HNF4G: variants seen among roughly 807,000 people sequenced by gnomAD.
The protein encoded by HNF4G is hepatocyte nuclear factor 4-gamma.
HNF4G carries 21 observed loss-of-function variants against 50.9 expected under a neutral mutation model. The ratio of observed to expected loss-of-function variants is 0.41; its 90% CI spans 0.29 to 0.59. HNF4G has a LOEUF of 0.59. Ranked by LOEUF, HNF4G falls within the 20% of genes least tolerant of loss-of-function variation. HNF4G has a pLI of 0.26. For synonymous variants in HNF4G, 198 were observed against 185.6 expected (o/e 1.07, Z -0.54); for missense variants, 527 against 559.4 (o/e 0.94, Z 0.58).
intron 1 of HNF4G, among the ~76,000 whole-genome samples, chr8:75,482,450 T>C (rs973468561): frequency 1.3e-5 from 2 of 150,070 alleles, no homozygotes; most frequent in African/African-American, 4.9e-5. Context: ...CACTGCAACC[T>C]CCGCCTCCCA....
chr8:75,519,589 A>T (rs1042312451), intron 2 of HNF4G, among the ~76,000 whole-genome samples: 21 of 152,302 alleles, frequency 1.4e-4, no homozygotes, highest in African/African-American at 5.0e-4. Context: ...GAGCAAAGTC[A>T]TGTCTTACTT....
chr8:75,454,196 A>G (rs1811662528), intron 1 of HNF4G, among the ~76,000 whole-genome samples: 1 of 151,880 alleles, frequency 6.6e-6, no homozygotes, highest in Non-Finnish European at 1.5e-5. Flanking sequence ...GCAAGCCAGG[A>G]AGAAGGCCCT....
intron 2 of HNF4G, among the ~76,000 whole-genome samples, chr8:75,525,457 C>A (rs7830737): frequency 0.24 from 37,104 of 152,108 alleles, 4,811 homozygotes; most frequent in South Asian, 0.31. Flanking sequence ...CGTGAGCCAC[C>A]GCAACCGGCC....
intron 1 of HNF4G, among the ~76,000 whole-genome samples, chr8:75,468,045 T>C (rs1375764619): frequency 6.6e-6 from 1 of 152,212 alleles, no homozygotes; most frequent in Non-Finnish European, 1.5e-5. Context: ...ATGTATGTAA[T>C]GTTCCATACA....
intron 1 of HNF4G, among the ~76,000 whole-genome samples, chr8:75,449,391 C>A (rs992188866): frequency 4.0e-5 from 6 of 148,324 alleles, no homozygotes; most frequent in Non-Finnish European, 5.9e-5. Flanking sequence ...GTTTAATTAA[C>A]TAAAAAAACA....
chr8:75,481,667 G>C (rs1183987644), intron 1 of HNF4G, among the ~76,000 whole-genome samples: 1 of 152,144 alleles, frequency 6.6e-6, no homozygotes, highest in Non-Finnish European at 1.5e-5. Context: ...TTCATCAAGA[G>C]GGGGTGTCAC....
At chr8:75,485,002 C>T (rs944274275) in intron 1 of HNF4G, among the ~76,000 whole-genome samples, 1 of 152,104 alleles carries the variant, frequency 6.6e-6, no homozygotes, top group Admixed American at 6.6e-5. Context: ...AGCTCTTAGC[C>T]GCCAATTGTA....
At chr8:75,408,255 AG>A (rs1810411416) in intron 1 of HNF4G, 4 of 152,194 alleles carry the variant, frequency 2.6e-5, no homozygotes, top group African/African-American at 7.3e-5. Flanking sequence ...AGAGAGAGAG[AG>A]AGAGAGGAGA....
At chr8:75,421,307 G>T (rs1161020545) in intron 1 of HNF4G, among the ~76,000 whole-genome samples, 1 of 152,148 alleles carries the variant, frequency 6.6e-6, no homozygotes, top group East Asian at 1.9e-4. Flanking sequence ...TACCTAGTTG[G>T]TCAGTCCAGG....
At chr8:75,545,983 G>A (rs533727560) in intron 2 of HNF4G, among the ~76,000 whole-genome samples, 1 of 152,162 alleles carries the variant, frequency 6.6e-6, no homozygotes, top group Admixed American at 6.5e-5. Flanking sequence ...CACTCTGAAA[G>A]CACATTTCTC....
chr8:75,469,567 G>A (rs1385092404), intron 1 of HNF4G, among the ~76,000 whole-genome samples: 3 of 152,142 alleles, frequency 2.0e-5, no homozygotes, highest in African/African-American at 7.2e-5. Flanking sequence ...CTGTAGAAGT[G>A]GCAGAAGACA....
At chr8:75,423,473 C>T (rs1043019507) in intron 1 of HNF4G, among the ~76,000 whole-genome samples, 1 of 151,126 alleles carries the variant, frequency 6.6e-6, no homozygotes, top group African/African-American at 2.4e-5. Flanking sequence ...CCTCATAACT[C>T]CGCCTCCCAG....
At chr8:75,537,746 T>A (rs547904290), upstream of HNF4G, among the ~76,000 whole-genome samples, 1 of 152,164 alleles carries the variant, frequency 6.6e-6, no homozygotes, top group East Asian at 1.9e-4. Flanking sequence ...TCAAAGGCAA[T>A]GTATGAGACT....
chr8:75,509,982 G>T (rs549605358), intron 2 of HNF4G, among the ~76,000 whole-genome samples: 11 of 152,128 alleles, frequency 7.2e-5, no homozygotes, highest in African/African-American at 2.4e-4. Context: ...AGAGCCTCAG[G>T]CAGGTCCTTC....
chr8:75,443,974 T>C (rs192585718), intron 1 of HNF4G, among the ~76,000 whole-genome samples: 2 of 152,174 alleles, frequency 1.3e-5, no homozygotes, highest in African/African-American at 4.8e-5. Context: ...AAATGAAGAA[T>C]AGAGCAATGA....
chr8:75,529,310 C>G (rs1429134064), intron 2 of HNF4G, among the ~76,000 whole-genome samples: 1 of 151,732 alleles, frequency 6.6e-6, no homozygotes, highest in Admixed American at 6.6e-5. Flanking sequence ...AACCTCAGAT[C>G]TCGTGAGAAT....
At chr8:75,433,824 A>G (rs1300525896) in intron 1 of HNF4G, among the ~76,000 whole-genome samples, 3 of 152,136 alleles carry the variant, frequency 2.0e-5, no homozygotes, top group Non-Finnish European at 4.4e-5. Context: ...AGCAATTCTA[A>G]TATTGACCAG....
intron 2 of HNF4G, among the ~76,000 whole-genome samples, chr8:75,490,640 G>T (rs1020697948): frequency 6.6e-6 from 1 of 151,998 alleles, no homozygotes; most frequent in Admixed American, 6.6e-5. Flanking sequence ...GCACTTATGT[G>T]GTAGAGTCAA....
chr8:75,448,802 T>C (rs899011617), intron 1 of HNF4G, among the ~76,000 whole-genome samples: 1 of 152,066 alleles, frequency 6.6e-6, no homozygotes, highest in African/African-American at 2.4e-5. Context: ...ATGACAGATT[T>C]GATGAAAGTT....
Sources: allele counts gnomAD v4.1 joint callset (sites outside exome capture counted in the v4.1 genomes callset), GRCh38; gene constraint gnomAD v4.1.1; transcripts MANE v1.5; gene names NCBI Gene and HGNC (gene_info 2026-07-23, HGNC 2026-07-21).